Variants in CALN1 observed in about 807,000 individuals in gnomAD.
CALN1 encodes calcium-binding protein 8.
In CALN1, 17 loss-of-function variants were observed where a neutral mutation model predicts 30.6. The ratio of observed to expected loss-of-function variants is 0.56; its 90% CI spans 0.38 to 0.83. The LOEUF (loss-of-function observed/expected upper bound fraction) is 0.83, where lower values mean the gene tolerates loss of function less well. Ranked by LOEUF, CALN1 falls within the 40% of genes least tolerant of loss-of-function variation. The probability of loss-of-function intolerance (pLI) is 0.00; values close to 1 mark genes in which losing one functional copy is unlikely to be tolerated. For synonymous variants in CALN1, 156 were observed against 131.4 expected (o/e 1.19, Z -1.28); for missense variants, 291 against 354.9 (o/e 0.82, Z 1.45).
intron 5 of CALN1, among the ~76,000 whole-genome samples, chr7:71,906,713 A>G (rs2116974695): frequency 1.3e-5 from 2 of 152,242 alleles, no homozygotes; most frequent in Middle Eastern, 3.4e-3. Flanking sequence ...ACTTCAAAAT[A>G]ATGCAAGTTT....
chr7:72,115,293 T>G (rs1274423648), intron 3 of CALN1, among the ~76,000 whole-genome samples: 4 of 148,330 alleles, frequency 2.7e-5, no homozygotes, highest in Non-Finnish European at 5.9e-5. Flanking sequence ...GAGGGGTGGA[T>G]ACACTGCTGC....
intron 5 of CALN1, among the ~76,000 whole-genome samples, chr7:71,837,357 C>A (rs1288462036): frequency 6.7e-6 from 1 of 148,992 alleles, no homozygotes; most frequent in African/African-American, 2.5e-5. Flanking sequence ...ACCTTGATGG[C>A]TGATGTGTTT....
intron 2 of CALN1, among the ~76,000 whole-genome samples, chr7:72,330,231 TGCAGGGA>T: frequency 6.6e-6 from 1 of 152,004 alleles, no homozygotes; most frequent in East Asian, 1.9e-4. Flanking sequence ...AGGTGGAGGG[TGCAGGGA>T]GTTGAGATCA....
chr7:71,794,447 T>C (rs1157961093), intron 6 of CALN1, among the ~76,000 whole-genome samples: 2 of 152,216 alleles, frequency 1.3e-5, no homozygotes, highest in Non-Finnish European at 1.5e-5. Flanking sequence ...AGACTATAGG[T>C]CAGTCTGGGA....
At chr7:71,994,599 C>T (rs1799149707) in intron 5 of CALN1, among the ~76,000 whole-genome samples, 1 of 150,844 alleles carries the variant, frequency 6.6e-6, no homozygotes, top group Non-Finnish European at 1.5e-5. Flanking sequence ...TTGCCTCATG[C>T]TAAGGAAATT....
chr7:72,416,770 A>C (rs867654998), upstream of CALN1, among the ~76,000 whole-genome samples: 44 of 150,994 alleles, frequency 2.9e-4, no homozygotes, highest in African/African-American at 9.5e-4. Flanking sequence ...AACAAATAAC[A>C]AAAAGAACCT....
intron 4 of CALN1, among the ~76,000 whole-genome samples, chr7:72,034,237 C>T (rs1372334008): frequency 1.3e-5 from 2 of 151,650 alleles, no homozygotes; most frequent in Non-Finnish European, 2.9e-5. Context: ...GCCTGTAGTC[C>T]CAGCTACTGG....
At chr7:72,103,019 G>A (rs187403469) in intron 4 of CALN1, among the ~76,000 whole-genome samples, 1 of 148,110 alleles carries the variant, frequency 6.8e-6, no homozygotes, top group Non-Finnish European at 1.5e-5. Context: ...GTTGCAGTGA[G>A]CAGAGATTGT....
At chr7:72,209,787 TCCTACATGGC>T (rs951480285) in intron 3 of CALN1, among the ~76,000 whole-genome samples, 4 of 152,102 alleles carry the variant, frequency 2.6e-5, no homozygotes, top group African/African-American at 9.7e-5. Context: ...AGAAATGGAA[TCCTACATGGC>T]CCTTTGTCTC....
chr7:72,199,149 C>T (rs1791240744), intron 3 of CALN1, among the ~76,000 whole-genome samples: 1 of 152,104 alleles, frequency 6.6e-6, no homozygotes, highest in African/African-American at 2.4e-5. Context: ...GTGGTGGGCG[C>T]CTGTAATCCA....
intron 4 of CALN1, among the ~76,000 whole-genome samples, chr7:72,035,406 A>C (rs1357522050): frequency 6.6e-6 from 1 of 152,110 alleles, no homozygotes; most frequent in Non-Finnish European, 1.5e-5. Flanking sequence ...AAAGTCCCTC[A>C]AGGTTCATCC....
At chr7:72,022,214 C>T (rs1050319843) in intron 5 of CALN1, among the ~76,000 whole-genome samples, 2 of 152,192 alleles carry the variant, frequency 1.3e-5, no homozygotes, top group Non-Finnish European at 2.9e-5. Flanking sequence ...TCCTTTCTTG[C>T]CCTTCCATTC....
intron 3 of CALN1, among the ~76,000 whole-genome samples, chr7:72,161,400 G>A (rs1044782868): frequency 1.3e-5 from 2 of 152,182 alleles, no homozygotes; most frequent in African/African-American, 4.8e-5. Context: ...GGAGAAGGAT[G>A]GAAAGAGGCC....
At chr7:71,790,336 AAGAAAG>A (rs1327621162) in intron 6 of CALN1, among the ~76,000 whole-genome samples, 2 of 124,960 alleles carry the variant, frequency 1.6e-5, no homozygotes, top group Non-Finnish European at 3.4e-5. Flanking sequence ...GAAGGAAAGA[AAGAAAG>A]AAAGAAAAGA....
chr7:72,300,496 G>C (rs972237683), intron 2 of CALN1, among the ~76,000 whole-genome samples: 3 of 152,134 alleles, frequency 2.0e-5, no homozygotes, highest in Non-Finnish European at 4.4e-5. Flanking sequence ...ATCAGAGTAT[G>C]TTGTGGATCA....
chr7:72,060,065 G>A (rs758201378), intron 4 of CALN1, among the ~76,000 whole-genome samples: 15 of 152,150 alleles, frequency 9.9e-5, no homozygotes, highest in Non-Finnish European at 1.5e-4. Context: ...CGGGCAGTGG[G>A]CATTGGTGTG....
rs151187653 is a variant in CALN1 at position 72,394,642 on chromosome 7, A to T, written c.119+8609T>A. Among the ~76,000 whole-genome samples the T allele has an allele frequency of 4.8e-5, 7 of 147,260 alleles. No individual in the cohort carries two copies. In the East Asian group the frequency reaches 1.5e-3, roughly 31 times the overall value. ...CTTATTTAATCTGAGTGTATGGCAC[A>T]ACTTCAGGGGTACCATTGACTTTTT... is the stretch of plus-strand genomic sequence containing the variant. On this transcript the variant is annotated intron_variant, in intron 2 of 6. Transcript: ENST00000395275.
intron 3 of CALN1, among the ~76,000 whole-genome samples, chr7:72,140,258 G>A (rs1339098342): frequency 6.9e-6 from 1 of 145,028 alleles, no homozygotes; most frequent in East Asian, 2.1e-4. Flanking sequence ...GTGACAGAGT[G>A]AGACCTTGTC....
chr7:71,891,930 T>A (rs981394531), intron 5 of CALN1, among the ~76,000 whole-genome samples: 3 of 150,552 alleles, frequency 2.0e-5, no homozygotes, highest in South Asian at 4.2e-4. Flanking sequence ...GGCAACAGAG[T>A]GAGACTCCGT....
Sources: allele counts gnomAD v4.1 joint callset (sites outside exome capture counted in the v4.1 genomes callset), GRCh38; gene constraint gnomAD v4.1.1; transcripts MANE v1.5; gene names NCBI Gene and HGNC (gene_info 2026-07-23, HGNC 2026-07-21).